Variants in TRAPPC9 observed in about 807,000 individuals in gnomAD.
TRAPPC9 encodes IKK2 binding protein.
In TRAPPC9, 83 loss-of-function variants were observed where a neutral mutation model predicts 124.0. That is an observed-to-expected ratio of 0.67 (90% CI 0.56 to 0.80). TRAPPC9 has a LOEUF of 0.80. Among genes scored for constraint, TRAPPC9 ranks in the 30% least tolerant of loss-of-function variants. TRAPPC9 has a pLI of 0.00. For synonymous variants in TRAPPC9, 638 were observed against 617.5 expected, an observed-to-expected ratio of 1.03 and a Z score of -0.49; for missense variants, 1,302 against 1,508.3, an observed-to-expected ratio of 0.86 and a Z score of 2.27.
At chr8:140,000,180 T>C (rs542783776) in intron 18 of TRAPPC9, among the ~76,000 whole-genome samples, 1 of 152,304 alleles carries the variant, frequency 6.6e-6, no homozygotes, top group East Asian at 1.9e-4. Flanking sequence ...GCTAGCCATA[T>C]ATAGAAAGCT....
At chr8:139,741,682 C>T (rs1302741736) in intron 21 of TRAPPC9, among the ~76,000 whole-genome samples, 1 of 151,916 alleles carries the variant, frequency 6.6e-6, no homozygotes, top group Non-Finnish European at 1.5e-5. Context: ...CCCCCAGACC[C>T]ACTCCACCCC....
chr8:139,886,733 A>C (rs556440845), intron 20 of TRAPPC9, among the ~76,000 whole-genome samples: 2 of 152,352 alleles, frequency 1.3e-5, no homozygotes, highest in South Asian at 4.1e-4. Flanking sequence ...CAACAAACAC[A>C]TCCAGTTCAT....
chr8:139,875,308 G>A (rs1175921205), intron 21 of TRAPPC9, among the ~76,000 whole-genome samples: 1 of 152,076 alleles, frequency 6.6e-6, no homozygotes, highest in East Asian at 1.9e-4. Context: ...CATGAGGGAT[G>A]TCGTAGCAAC....
chr8:140,425,312 C>A (rs2070384420), intron 5 of TRAPPC9, among the ~76,000 whole-genome samples: 1 of 152,234 alleles, frequency 6.6e-6, no homozygotes, highest in Non-Finnish European at 1.5e-5. Context: ...CCACACGTTT[C>A]TCATTTGGGA....
At chr8:139,883,588 C>T (rs903462005) in intron 21 of TRAPPC9, among the ~76,000 whole-genome samples, 1 of 152,252 alleles carries the variant, frequency 6.6e-6, no homozygotes. Context: ...ACTGTTCTCT[C>T]TAATTTCCCC....
intron 20 of TRAPPC9, among the ~76,000 whole-genome samples, chr8:139,903,374 G>T (rs1361625900): frequency 6.6e-6 from 1 of 152,144 alleles, no homozygotes; most frequent in Non-Finnish European, 1.5e-5. Flanking sequence ...AGACGGCCCA[G>T]GTCATTCGCC....
intron 12 of TRAPPC9, among the ~76,000 whole-genome samples, chr8:140,290,785 A>G: frequency 6.6e-6 from 1 of 152,254 alleles, no homozygotes; most frequent in Admixed American, 6.5e-5. Context: ...GTTTCTTTGT[A>G]GGTTCAAATA....
At chr8:139,847,885 C>A (rs899343307) in intron 21 of TRAPPC9, among the ~76,000 whole-genome samples, 1 of 152,218 alleles carries the variant, frequency 6.6e-6, no homozygotes, top group African/African-American at 2.4e-5. Flanking sequence ...AGCTTAAAGA[C>A]CCTCCAAGGC....
intron 17 of TRAPPC9, among the ~76,000 whole-genome samples, chr8:140,046,267 C>T (rs866505999): frequency 6.6e-6 from 1 of 152,270 alleles, no homozygotes; most frequent in Non-Finnish European, 1.5e-5. Flanking sequence ...TCTTCGCCGA[C>T]GGCTATGAAA....
chr8:140,207,285 C>T (rs929540650), intron 17 of TRAPPC9, among the ~76,000 whole-genome samples: 3 of 152,196 alleles, frequency 2.0e-5, no homozygotes, highest in Non-Finnish European at 4.4e-5. Flanking sequence ...AAGGTTTTCC[C>T]TCCTTCATTC....
At chr8:140,255,405 T>A (rs1204539582) in intron 15 of TRAPPC9, among the ~76,000 whole-genome samples, 1 of 152,248 alleles carries the variant, frequency 6.6e-6, no homozygotes, top group Non-Finnish European at 1.5e-5. Context: ...CCCTTCAGCA[T>A]CACCCAGTCC....
rs1307643033 is a variant in TRAPPC9, at chr8:140,300,363, A to G, written c.1768+106T>C. On this transcript the variant is annotated intron_variant, in intron 11 of 22. Transcript: ENST00000438773. ...CGTGCACACATCCACGCACGCACAC[A>G]CATGCACATGCATGAACTGGCTCAA... 6 of 1,419,382 alleles carry G rather than the reference A, an allele frequency of 4.2e-6. No homozygotes were observed. In the Admixed American group the frequency reaches 6.7e-5, roughly 16 times the overall value. The allele number at this position is 1,419,382 out of a possible 1,614,324, so 87.9% of individuals were successfully genotyped here.
At chr8:139,800,987 C>A (rs77935032) in intron 21 of TRAPPC9, among the ~76,000 whole-genome samples, 1 of 140,850 alleles carries the variant, frequency 7.1e-6, no homozygotes, top group Non-Finnish European at 1.5e-5. Flanking sequence ...GCATCTTCCC[C>A]CGCTCTGGCA....
intron 21 of TRAPPC9, among the ~76,000 whole-genome samples, chr8:139,847,893 G>A (rs886729428): frequency 1.3e-5 from 2 of 152,228 alleles, no homozygotes; most frequent in Non-Finnish European, 2.9e-5. Flanking sequence ...GACCCTCCAA[G>A]GCAAAAAGCT....
chr8:140,453,037 A>G (rs2071525250), intron 1 of TRAPPC9, among the ~76,000 whole-genome samples: 1 of 152,246 alleles, frequency 6.6e-6, no homozygotes, highest in Non-Finnish European at 1.5e-5. Context: ...AGGATCCCTC[A>G]GTATTATTTC....
chr8:140,452,357 T>C (rs1354080973), intron 1 of TRAPPC9, among the ~76,000 whole-genome samples: 11 of 139,950 alleles, frequency 7.9e-5, no homozygotes, highest in Middle Eastern at 3.9e-3. Flanking sequence ...GAGGCAGAGC[T>C]TGCAGTGAGC....
intron 17 of TRAPPC9, among the ~76,000 whole-genome samples, chr8:140,144,697 G>A (rs1163057065): frequency 6.6e-6 from 1 of 152,106 alleles, no homozygotes; most frequent in Non-Finnish European, 1.5e-5. Context: ...ATGTTGGTCA[G>A]GCTGGTCTCA....
At chr8:140,039,000 G>A (rs1161697884) in intron 17 of TRAPPC9, among the ~76,000 whole-genome samples, 1 of 152,172 alleles carries the variant, frequency 6.6e-6, no homozygotes, top group Non-Finnish European at 1.5e-5. Context: ...GCGAGAAGGG[G>A]CACAAACCTG....
intron 19 of TRAPPC9, among the ~76,000 whole-genome samples, chr8:139,980,476 A>G (rs1310277142): frequency 2.0e-5 from 3 of 152,228 alleles, no homozygotes; most frequent in Admixed American, 2.0e-4. Context: ...ACGAGCCATG[A>G]CGTGCTCCAG....
Sources: gnomAD v4.1 joint callset for allele counts (sites outside exome capture counted in the v4.1 genomes callset) on GRCh38, gnomAD v4.1.1 for gene constraint, MANE v1.5 for transcripts, NCBI Gene and HGNC (gene_info 2026-07-23, HGNC 2026-07-21) for gene names.